The following BAZ2A variants were observed in gnomAD, a reference collection of about 807,000 sequenced individuals.
BAZ2A encodes the protein bromodomain adjacent to zinc finger domain 2A.
A neutral mutation model predicts 199.9 loss-of-function variants in BAZ2A; 34 were observed. That is an observed-to-expected ratio of 0.17 (90% CI 0.13 to 0.23). The LOEUF is 0.23. BAZ2A is among the 10% of genes least tolerant of loss of function. The pLI, the probability that BAZ2A is intolerant of heterozygous loss-of-function variation, is 1.00. For synonymous variants in BAZ2A, 857 were observed against 883.9 expected (o/e 0.97, Z 0.54); for missense variants, 2,002 against 2,391.1 (o/e 0.84, Z 3.39).
chr12:56,620,280 A>C (rs1950873378), intron 1 of BAZ2A, among the ~76,000 whole-genome samples: 1 of 152,108 alleles, frequency 6.6e-6, no homozygotes, highest in Non-Finnish European at 1.5e-5. Context: ...GCTTGCTCTA[A>C]ATTAAGTAGC....
In BAZ2A at chr12:56,599,716, C is replaced by G. The variant is rs763614573; in HGVS notation, c.5158G>C (p.Val1720Leu). The G allele has an allele frequency of 2.5e-5, 41 of 1,613,684 alleles. No homozygotes were observed. The highest frequency in any genetic ancestry group is 3.2e-5 in the Non-Finnish European group (38 of 1,179,904). ...AGAAGCCTTACCTGAGCCAAACAGA[C>G]AGTACAGAACCAATCTCCTTCTGGG... is the stretch of plus-strand genomic sequence containing the variant. The part of the protein sequence containing the change: ...AVPEGDWFCT[V>L]CLAQQVEGEF... The change falls in exon 26 of 29, where the codon GTC becomes CTC. Residue 1720 changes from valine to leucine, a missense_variant. By Grantham distance (32) the Val-to-Leu change is conservative. Around this residue, in one of 6 missense-constraint regions of BAZ2A, gnomAD observed 122 missense variants for 123.0 expected, o/e 0.99. Coordinates refer to ENST00000549884, the MANE Select transcript of BAZ2A (RefSeq NM_001300905.2).
At chr12:56,607,169 C>T (rs957158203) in intron 10 of BAZ2A, among the ~76,000 whole-genome samples, 2 of 152,118 alleles carry the variant, frequency 1.3e-5, no homozygotes, top group African/African-American at 4.8e-5. Flanking sequence ...TAGTTAGAAG[C>T]ACTGATTAAC....
intron 13 of BAZ2A, 178 bp downstream of exon 13, chr12:56,605,652 G>T: frequency 2.8e-6 from 2 of 724,664 alleles, no homozygotes; most frequent in Non-Finnish European, 4.4e-6. Context: ...GAACTGCTGG[G>T]CTCAAGCGAT....
In BAZ2A at chr12:56,601,991, C is replaced by T. The variant is rs190216378; in HGVS notation, c.3626G>A (p.Gly1209Asp). The T allele has an allele frequency of 6.4e-6, 10 of 1,556,582 alleles. No homozygotes were observed. In the East Asian group the frequency reaches 2.4e-4, roughly 38 times the overall value. The change falls in exon 20 of 29, where the codon GGT becomes GAT. Residue 1209 changes from glycine (G) to aspartate (D), a missense_variant. This residue lies in a region of BAZ2A where 1,081 missense variants were observed against 1,274.7 expected (regional missense o/e 0.85). Transcript: ENST00000549884. The stretch of plus-strand genomic sequence containing the variant: ...GGCCTGGGGCTGTTCTGAATCCTGA[C>T]CCCTGACAGGGGACTTAAGATGCCT... ...QPRHLKSPVR[G>D]QDSEQPQAQL...
chr12:56,636,087 C>A, intron 1 of BAZ2A: 1 of 1,413,170 alleles, frequency 7.1e-7, no homozygotes, highest in Non-Finnish European at 9.7e-7. Flanking sequence ...CTTCAGCCCC[C>A]AAATGAGCAA....
chr12:56,609,552 T>G (rs1009428503), intron 10 of BAZ2A, among the ~76,000 whole-genome samples, 184 bp downstream of exon 10: 2 of 152,162 alleles, frequency 1.3e-5, no homozygotes, highest in Non-Finnish European at 1.5e-5. Flanking sequence ...AGACCATGGC[T>G]GGAAAAGTAG....
chr12:56,602,628 A>C, intron 19 of BAZ2A, 85 bp downstream of exon 19: 1 of 1,508,634 alleles, frequency 6.6e-7, no homozygotes, highest in Non-Finnish European at 9.0e-7. Flanking sequence ...AGAAAATGAA[A>C]GAAGCCCAAG....
upstream of BAZ2A, among the ~76,000 whole-genome samples, chr12:56,637,770 C>CAAAAA (rs537402652): frequency 8.1e-6 from 1 of 123,218 alleles, no homozygotes; most frequent in African/African-American, 2.7e-5. Context: ...GAATAGAGGC[C>CAAAAA]AAAAAAAAAA....
intron 1 of BAZ2A, among the ~76,000 whole-genome samples, chr12:56,621,429 C>T (rs1950918833): frequency 6.6e-6 from 1 of 152,054 alleles, no homozygotes; most frequent in Admixed American, 6.6e-5. Context: ...CGAGAAGCTT[C>T]CTAGACACAT....
At chr12:56,625,782 AG>A (rs1951073272) in intron 1 of BAZ2A, among the ~76,000 whole-genome samples, 4 of 147,112 alleles carry the variant, frequency 2.7e-5, no homozygotes. Context: ...AGGCTGAGGC[AG>A]GAGAATGGCG....
At position 56,617,662 on chromosome 12, in the gene BAZ2A, G is replaced by A. The variant is rs563187815; in HGVS notation, c.-2-130C>T. The stretch of plus-strand genomic sequence containing the variant: ...CTTCTCCTACCTAAGTACTGTGTGA[G>A]GGAAGGTACAGAATAAGAAAAGAGA... On this transcript the variant is annotated intron_variant, in intron 1 of 28. Coordinates refer to ENST00000549884, the MANE Select transcript of BAZ2A (RefSeq NM_001300905.2). The A allele has an allele frequency of 4.2e-4, 419 of 1,000,934 alleles. 3 individuals are homozygous for A. The highest frequency in any genetic ancestry group is 1.1e-3 in the Admixed American group (33 of 30,900). 62.0% of individuals were successfully genotyped at this position (1,000,934 alleles called of 1,614,324 possible).
rs1886040964 is a variant in BAZ2A at position 56,598,340 on chromosome 12, A to G, written c.*278T>C. On this transcript the variant is annotated 3_prime_UTR_variant, in exon 29 of 29. Coordinates refer to ENST00000549884, the MANE Select transcript of BAZ2A (RefSeq NM_001300905.2). ...CCCCCTCCCCATTTTTAATTAGCAA[A>G]TAAAACAGAAAAGAAAAATTATTTT... The G allele has an allele frequency of 2.9e-6, 1 of 346,770 alleles. No individual in the cohort carries two copies. The highest frequency in any genetic ancestry group is 4.4e-5 in the Admixed American group (1 of 22,630). 21.5% of individuals were successfully genotyped at this position (346,770 alleles called of 1,614,324 possible). A position where few individuals can be genotyped will look rare whatever the true frequency, so the allele number is the denominator to read the frequency against.
Position 56,596,946 on chromosome 12 carries a change from C to G in BAZ2A, c.*1672G>C, listed in dbSNP as rs1885885232. 1.3e-5 allele frequency: 2 copies of G among 152,606 alleles called. No individual in the cohort carries two copies. Among genetic ancestry groups the G allele is most frequent in the Admixed American group, 6.5e-5 (1 of 15,276 alleles). The allele number at this position is 152,606 out of a possible 1,614,324, so 9.5% of individuals were successfully genotyped here. ...GTGCTGCCAGAATACAAGGAATGCT[C>G]CACCTCACCTGGCACCCCCACCCCC... On this transcript the variant is annotated 3_prime_UTR_variant, in exon 29 of 29. Transcript: ENST00000549884.
Position 56,598,353 on chromosome 12 carries a change from G to A in BAZ2A, c.*265C>T. The A allele has an allele frequency of 5.2e-6, 2 of 386,088 alleles. 1 individual carries two copies. Among genetic ancestry groups the A allele is most frequent in the Non-Finnish European group, 9.3e-6 (2 of 216,190 alleles). The allele number at this position is 386,088 out of a possible 1,614,324, so 23.9% of individuals were successfully genotyped here. ...TTTAATTAGCAAATAAAACAGAAAA[G>A]AAAAATTATTTTTTTCTTTCTTTTT... On this transcript the variant is annotated 3_prime_UTR_variant, in exon 29 of 29. Coordinates refer to ENST00000549884, the MANE Select transcript of BAZ2A (RefSeq NM_001300905.2).
chr12:56,605,191 A>T lies in BAZ2A; in HGVS notation c.2630T>A (p.Leu877Gln), dbSNP rs762250633. The change falls in exon 14 of 29, where the codon CTG (leucine) becomes CAG (glutamine). Residue 877 changes from leucine (L) to glutamine (Q), a missense_variant. By Grantham distance (113) the Leu-to-Gln change is moderately radical (BLOSUM62 -2). Around this residue, in one of 6 missense-constraint regions of BAZ2A, gnomAD observed 1,081 missense variants for 1,274.7 expected, o/e 0.85. Coordinates refer to ENST00000549884, the MANE Select transcript of BAZ2A (RefSeq NM_001300905.2). ...CAGGAGTCCCTCCTGCAGGACCCCC[A>T]GGCTAGGCACATCTTTGGCAGGATC... The part of the protein sequence containing the change: ...GFDPAKDVPS[L>Q]GVLQEGLLCQ... The T allele has an allele frequency of 6.2e-7, 1 of 1,613,814 alleles. No individual in the cohort carries two copies. Among genetic ancestry groups the T allele is most frequent in the Non-Finnish European group, 8.5e-7 (1 of 1,179,858 alleles).
chr12:56,615,147 T>C lies in BAZ2A; in HGVS notation c.597A>G (p.Gln199=), dbSNP rs1236616119. 2.5e-6 allele frequency: 4 copies of C among 1,613,628 alleles called. No individual in the cohort carries two copies. The South Asian group carries it at 4.4e-5, about 18-fold the overall frequency. The change falls in exon 3 of 29, where the codon CAA becomes CAG. Residue 199 remains glutamine, a synonymous_variant. Coordinates refer to ENST00000549884, the MANE Select transcript of BAZ2A (RefSeq NM_001300905.2). ...QTSPMLGSSI[Q]TFAPSQEVGS... is the part of the protein sequence containing the mutation. ...CTACCTCCTGGGAGGGTGCAAAGGT[T>C]TGAATGCTAGATCCCAACATAGGAG...
At chr12:56,636,337 A>C in exon 1 of BAZ2A, 3 of 1,397,470 alleles carry the variant, frequency 2.1e-6, no homozygotes, top group Non-Finnish European at 9.4e-7. Flanking sequence ...TGCGAACCAC[A>C]CAGCCTGAAC....
chr12:56,628,269 C>T (rs1951178220), intron 1 of BAZ2A, among the ~76,000 whole-genome samples: 1 of 151,386 alleles, frequency 6.6e-6, no homozygotes, highest in Non-Finnish European at 1.5e-5. Context: ...AACTGTTGCC[C>T]CTAACCAAAT....
intron 1 of BAZ2A, 79 bp from the exon 2 acceptor site, chr12:56,617,611 T>C: frequency 2.1e-6 from 3 of 1,445,680 alleles, no homozygotes; most frequent in Admixed American, 2.2e-5. Context: ...CCAGGGGCAA[T>C]GACCCCTCCC....
Sources: gnomAD v4.1 joint callset for allele counts (sites outside exome capture counted in the v4.1 genomes callset) on GRCh38, gnomAD v4.1.1 for gene constraint, gnomAD v4.1.1 regional missense constraint, MANE v1.5 for transcripts, NCBI Gene and HGNC (gene_info 2026-07-23, HGNC 2026-07-21) for gene names.